UST: variants seen among roughly 807,000 people sequenced by gnomAD.
UST encodes uronyl 2-sulfotransferase.
In UST, 21 loss-of-function variants were observed where a neutral mutation model predicts 45.6. That is an observed-to-expected ratio of 0.46 (90% CI 0.33 to 0.66). The LOEUF is 0.66. Ranked by LOEUF, UST falls within the 30% of genes least tolerant of loss-of-function variation. The pLI is 0.02. For missense variants in UST, 463 were observed against 512.4 expected, an observed-to-expected ratio of 0.90 and a Z score of 0.93; for synonymous variants, 215 against 200.6, an observed-to-expected ratio of 1.07 and a Z score of -0.61.
At position 148,758,977 on chromosome 6, in the gene UST, C is replaced by T. The variant is rs1444594069; in HGVS notation, c.247+11300C>T. Among the ~76,000 whole-genome samples, 8 of 152,276 alleles carry T rather than the reference C, an allele frequency of 5.3e-5. 1 individual carries two copies. The South Asian group carries it at 1.2e-3, about 24-fold the overall frequency. On this transcript the variant is annotated intron_variant, in intron 1 of 7. Coordinates refer to ENST00000367463, the MANE Select transcript of UST (RefSeq NM_005715.3). ...AACAGAACCGTCAGGCAGAGCCATG[C>T]GGCTGGATGGAGGGGGCACTAGGCC...
intron 1 of UST, among the ~76,000 whole-genome samples, chr6:148,773,912 C>G (rs961842739): frequency 6.6e-6 from 1 of 152,190 alleles, no homozygotes; most frequent in Non-Finnish European, 1.5e-5. Context: ...TAAAATTGAT[C>G]TCCCTGAGAA....
intron 1 of UST, among the ~76,000 whole-genome samples, chr6:148,783,532 A>G (rs1776681929): frequency 6.6e-6 from 1 of 152,228 alleles, no homozygotes. Context: ...ATTATTTTAA[A>G]TAATTCTTCC....
At chr6:149,063,682 A>C (rs1776691163) in intron 7 of UST, among the ~76,000 whole-genome samples, 1 of 152,188 alleles carries the variant, frequency 6.6e-6, no homozygotes, top group Non-Finnish European at 1.5e-5. Context: ...GACACAGCCA[A>C]GCCTTCCTTG....
intron 1 of UST, among the ~76,000 whole-genome samples, chr6:148,835,186 C>T (rs1024035909): frequency 1.3e-5 from 2 of 152,022 alleles, no homozygotes; most frequent in Non-Finnish European, 2.9e-5. Context: ...TAAAAAATTA[C>T]AGTATAACTA....
At chr6:148,976,507 C>T (rs780607078) in intron 5 of UST, among the ~76,000 whole-genome samples, 39 of 152,176 alleles carry the variant, frequency 2.6e-4, no homozygotes, top group Non-Finnish European at 4.4e-4. Flanking sequence ...ATTCCGGGAG[C>T]GTGGTCCATC....
At chr6:149,013,579 C>T (rs1158974205) in intron 5 of UST, among the ~76,000 whole-genome samples, 1 of 152,024 alleles carries the variant, frequency 6.6e-6, no homozygotes, top group Non-Finnish European at 1.5e-5. Context: ...TCTGCAGTTT[C>T]ATCGACTGAG....
intron 5 of UST, among the ~76,000 whole-genome samples, chr6:148,968,144 G>A (rs189682936): frequency 2.2e-4 from 34 of 152,220 alleles, no homozygotes; most frequent in Admixed American, 4.6e-4. Flanking sequence ...AAAGGGAGAA[G>A]AGGACTGGGC....
At chr6:148,930,480 T>C (rs1160106853) in intron 2 of UST, among the ~76,000 whole-genome samples, 1 of 152,214 alleles carries the variant, frequency 6.6e-6, no homozygotes, top group African/African-American at 2.4e-5. Flanking sequence ...TAGCACGCAG[T>C]AAATGCTCAA....
At position 148,989,928 on chromosome 6, in the gene UST, A is replaced by G. The variant is rs541542950; in HGVS notation, c.681+25365A>G. ...CCCTCCCCATTTGGAATTTAGATGG[A>G]AGAATGTCTAAGTCGATGAAAATCC... On this transcript the variant is annotated intron_variant, in intron 5 of 7. Coordinates refer to ENST00000367463, the MANE Select transcript of UST (RefSeq NM_005715.3). Among the ~76,000 whole-genome samples the G allele has an allele frequency of 3.9e-5, 6 of 152,360 alleles. No homozygotes were observed. In the South Asian group the frequency reaches 8.3e-4, roughly 21 times the overall value.
chr6:148,924,590 T>C (rs1369116011), intron 2 of UST, among the ~76,000 whole-genome samples: 1 of 152,206 alleles, frequency 6.6e-6, no homozygotes. Context: ...TGCATTGCAT[T>C]TGAGCAGAGC....
intron 7 of UST, among the ~76,000 whole-genome samples, chr6:149,047,227 T>G (rs1174979913): frequency 6.6e-6 from 1 of 152,184 alleles, no homozygotes; most frequent in African/African-American, 2.4e-5. Context: ...ATCTGTGAAA[T>G]GGAGTAAGCT....
intron 1 of UST, among the ~76,000 whole-genome samples, chr6:148,868,502 T>G (rs1242973323): frequency 6.6e-6 from 1 of 152,120 alleles, no homozygotes; most frequent in Non-Finnish European, 1.5e-5. Flanking sequence ...ATTTCTAGAT[T>G]TATGAGCAAT....
intron 5 of UST, among the ~76,000 whole-genome samples, chr6:149,004,204 G>A (rs185103396): frequency 3.8e-4 from 58 of 152,242 alleles, no homozygotes; most frequent in Admixed American, 1.1e-3. Context: ...ACTTGGATGA[G>A]GTAGCTCCCT....
intron 1 of UST, among the ~76,000 whole-genome samples, chr6:148,831,059 G>A (rs1777676156): frequency 7.5e-6 from 1 of 133,962 alleles, no homozygotes; most frequent in Non-Finnish European, 1.6e-5. Flanking sequence ...GAAAGAAAAA[G>A]AAAGAAAAGG....
chr6:149,004,075 T>C (rs1781602555), intron 5 of UST, among the ~76,000 whole-genome samples: 1 of 152,234 alleles, frequency 6.6e-6, no homozygotes, highest in African/African-American at 2.4e-5. Context: ...TAGATCATAG[T>C]ATTTAATGCT....
At chr6:148,830,188 G>A (rs1229674168) in intron 1 of UST, among the ~76,000 whole-genome samples, 1 of 152,162 alleles carries the variant, frequency 6.6e-6, no homozygotes, top group Non-Finnish European at 1.5e-5. Context: ...GACATGAGGA[G>A]GTGCTTTGTA....
intron 5 of UST, among the ~76,000 whole-genome samples, chr6:148,977,219 A>C (rs892067651): frequency 6.6e-6 from 1 of 151,814 alleles, no homozygotes; most frequent in African/African-American, 2.4e-5. Flanking sequence ...GTGTATCTTT[A>C]TATACAGAAC....
In UST at chr6:148,953,890, A is replaced by G; in HGVS notation, c.466A>G (p.Ile156Val). 1 of 1,606,146 alleles carries G rather than the reference A, an allele frequency of 6.2e-7. No individual in the cohort carries two copies. The highest frequency in any genetic ancestry group is 8.5e-7 in the Non-Finnish European group (1 of 1,176,516). Residue 156 changes from isoleucine (I) to valine (V), a missense_variant, in exon 4 of 8, where the codon ATA (isoleucine) becomes GTA (valine). Physicochemically the swap from Ile to Val is conservative, Grantham distance 29. This residue lies in a region of UST where 287 missense variants were observed against 374.2 expected (regional missense o/e 0.77). Coordinates refer to ENST00000367463, the MANE Select transcript of UST (RefSeq NM_005715.3). ...KNEQMELIKN[I>V]STAEQPYLFT... ...TTAATAGATGGAACTGATTAAAAAT[A>G]TAAGTACTGCCGAACAACCCTATTT...
At chr6:149,015,465 A>G (rs1376643628) in intron 5 of UST, among the ~76,000 whole-genome samples, 1 of 152,172 alleles carries the variant, frequency 6.6e-6, no homozygotes, top group East Asian at 1.9e-4. Context: ...TAGACTTGGC[A>G]GGGAAGGGCA....
Sources: gnomAD v4.1 joint callset for allele counts (sites outside exome capture counted in the v4.1 genomes callset) on GRCh38, gnomAD v4.1.1 for gene constraint, gnomAD v4.1.1 regional missense constraint, MANE v1.5 for transcripts, NCBI Gene and HGNC (gene_info 2026-07-23, HGNC 2026-07-21) for gene names.